ZNF10: variants seen among roughly 807,000 people sequenced by gnomAD.
ZNF10 encodes the protein zinc finger protein 10 (KOX 1).
In ZNF10, 8 loss-of-function variants were observed where a neutral mutation model predicts 12.2. That is an observed-to-expected ratio of 0.66 (90% CI 0.39 to 1.18). ZNF10 has a LOEUF of 1.18. Among genes scored for constraint, ZNF10 ranks in the 50% most tolerant of loss-of-function variants. ZNF10 has a pLI of 0.01. For synonymous variants in ZNF10, 229 were observed against 228.2 expected (o/e 1.00, Z -0.03); for missense variants, 603 against 678.9 (o/e 0.89, Z 1.24).
chr12:133,141,004 C>A (rs1022141080), intron 1 of ZNF10, among the ~76,000 whole-genome samples: 1 of 152,102 alleles, frequency 6.6e-6, no homozygotes, highest in Non-Finnish European at 1.5e-5. Context: ...TTATTGGGAA[C>A]AGTATCTGTT....
At chr12:133,136,690 G>T (rs980860621) in intron 1 of ZNF10, among the ~76,000 whole-genome samples, 55 of 152,066 alleles carry the variant, frequency 3.6e-4, no homozygotes, top group African/African-American at 1.2e-3. Flanking sequence ...TATGTCACAG[G>T]GTTGTTGATA....
At chr12:133,147,759 G>A (rs1467684323) in intron 2 of ZNF10, among the ~76,000 whole-genome samples, 1 of 151,606 alleles carries the variant, frequency 6.6e-6, no homozygotes, top group South Asian at 2.1e-4. Context: ...GGGACTACAG[G>A]TGCATGACGC....
At chr12:133,152,042 C>A (rs1458001717) in intron 4 of ZNF10, 138 bp downstream of exon 4, 2 of 619,328 alleles carry the variant, frequency 3.2e-6, no homozygotes, top group African/African-American at 1.9e-5. Flanking sequence ...GCCCCTGTTT[C>A]CCCACTGCCA....
chr12:133,138,818 G>A (rs995842999), intron 1 of ZNF10, among the ~76,000 whole-genome samples: 4 of 152,122 alleles, frequency 2.6e-5, no homozygotes, highest in Admixed American at 2.6e-4. Context: ...CATATTGTAA[G>A]TATTCAGTTA....
intron 1 of ZNF10, among the ~76,000 whole-genome samples, chr12:133,133,660 T>C (rs934674349): frequency 4.6e-5 from 7 of 152,130 alleles, no homozygotes; most frequent in African/African-American, 1.7e-4. Flanking sequence ...TTAGAGAATA[T>C]GGGGCAAGTG....
At chr12:133,146,229 A>G (rs973369844) in intron 2 of ZNF10, among the ~76,000 whole-genome samples, 5 of 152,182 alleles carry the variant, frequency 3.3e-5, no homozygotes, top group Admixed American at 6.5e-5. Flanking sequence ...CCATCTGTCA[A>G]GGTACCTCCA....
chr12:133,151,230 C>T (rs1489228404), intron 3 of ZNF10, 76 bp downstream of exon 3: 2 of 1,439,176 alleles, frequency 1.4e-6, no homozygotes, highest in Non-Finnish European at 1.9e-6. Context: ...GCATGTATCA[C>T]ACCAGAGTAT....
intron 2 of ZNF10, among the ~76,000 whole-genome samples, chr12:133,148,343 A>G (rs913268768): frequency 8.6e-5 from 13 of 151,968 alleles, no homozygotes; most frequent in Non-Finnish European, 1.8e-4. Context: ...CTAGTCTCGA[A>G]CTCCTGACCT....
At chr12:133,148,750 G>GTTTTTTTTTTTTTTTTTTTTTT (rs201972025) in intron 2 of ZNF10, among the ~76,000 whole-genome samples, 1 of 137,408 alleles carries the variant, frequency 7.3e-6, no homozygotes. Context: ...ATTCAATGTT[G>GTTTTTTTTTTTTTTTTTTTTTT]GTTTTTTTTT....
intron 1 of ZNF10, among the ~76,000 whole-genome samples, chr12:133,139,614 C>G (rs1454188357): frequency 1.3e-5 from 2 of 152,120 alleles, no homozygotes; most frequent in African/African-American, 4.8e-5. Context: ...GCAAAGAAGT[C>G]AAGTAGGAGG....
chr12:133,131,355 CATAAT>C (rs1462626672), intron 1 of ZNF10, among the ~76,000 whole-genome samples: 39 of 126,246 alleles, frequency 3.1e-4, no homozygotes, highest in South Asian at 2.7e-3. Context: ...CCATCTAACA[CATAAT>C]ATGAGTGTCA....
chr12:133,155,219 A>C (rs1304819489), intron 4 of ZNF10, among the ~76,000 whole-genome samples: 1 of 152,160 alleles, frequency 6.6e-6, no homozygotes. Context: ...AGTCCTTTTT[A>C]TGGAATTTCC....
chr12:133,146,353 C>G (rs893017095), intron 2 of ZNF10, among the ~76,000 whole-genome samples: 1 of 152,226 alleles, frequency 6.6e-6, no homozygotes, highest in African/African-American at 2.4e-5. Context: ...GTATAATCCA[C>G]ACAGCTCACC....
rs936970210 is a variant in ZNF10, at chr12:133,148,980, G to A, written c.34-2048G>A. Among the ~76,000 whole-genome samples, 7 of 151,986 alleles carry A rather than the reference G, an allele frequency of 4.6e-5. No homozygotes were observed. The South Asian group carries it at 6.2e-4, about 14-fold the overall frequency. On this transcript the variant is annotated intron_variant, in intron 2 of 4. Coordinates refer to ENST00000248211, the MANE Select transcript of ZNF10 (RefSeq NM_015394.5). ...TTGGTCAGGCTGGTCTGGAACCCCC[G>A]ACCTCAGGTGATCCGCCCGCCTCAG...
At chr12:133,142,187 C>T in intron 1 of ZNF10, among the ~76,000 whole-genome samples, 1 of 152,154 alleles carries the variant, frequency 6.6e-6, no homozygotes, top group East Asian at 1.9e-4. Context: ...CTTTGGGAGG[C>T]CGAGGCGGGC....
intron 1 of ZNF10, among the ~76,000 whole-genome samples, chr12:133,133,219 G>A (rs1412656930): frequency 6.6e-6 from 1 of 152,086 alleles, no homozygotes; most frequent in Non-Finnish European, 1.5e-5. Context: ...TGTGGCTGCT[G>A]GGTCCTTTTT....
intron 2 of ZNF10, among the ~76,000 whole-genome samples, chr12:133,149,961 A>C (rs1342147329): frequency 6.6e-6 from 1 of 152,180 alleles, no homozygotes; most frequent in East Asian, 1.9e-4. Flanking sequence ...AATTTTTACT[A>C]CTTCAAGCAA....
chr12:133,136,961 GTGTTCATGTGGCCTACTCACTA>G (rs1173228188), intron 1 of ZNF10, among the ~76,000 whole-genome samples: 4 of 152,126 alleles, frequency 2.6e-5, no homozygotes, highest in African/African-American at 9.7e-5. Context: ...CTTACTCACT[GTGTTCATGTGGCCTACTCACTA>G]TGTTCAAAAC....
rs201572990 is a variant in ZNF10, at chr12:133,154,118, GC to G, written c.257-1384del. Among the ~76,000 whole-genome samples the G allele has an allele frequency of 8.5e-3, 1,283 of 150,450 alleles. 20 individuals carry two copies. The highest frequency in any genetic ancestry group is 0.022 in the African/African-American group (923 of 41,026). Reference sequence around the variant, plus strand: ...AAAACTTCAACATACCTTTTTGTCGGCGGGGGGGATACAGTTTAACCCATAA... The same window carrying G: ...AAAACTTCAACATACCTTTTTGTCGGGGGGGGGATACAGTTTAACCCATAA... On this transcript the variant is annotated intron_variant, in intron 4 of 4. Transcript: ENST00000248211.
Sources: allele counts gnomAD v4.1 joint callset (sites outside exome capture counted in the v4.1 genomes callset), GRCh38; gene constraint gnomAD v4.1.1; transcripts MANE v1.5; gene names NCBI Gene and HGNC (gene_info 2026-07-23, HGNC 2026-07-21).